The following CSMD3 variants were observed in gnomAD, a reference collection of about 807,000 sequenced individuals.
CSMD3 encodes the protein CUB and Sushi multiple domains 3.
Under a neutral mutation model 435.2 loss-of-function variants are expected in CSMD3, and 177 were observed. That is an observed-to-expected ratio of 0.41 (90% CI 0.36 to 0.46). The LOEUF is 0.46. CSMD3 is among the 20% of genes least tolerant of loss of function. CSMD3 has a pLI of 0.34. For missense variants in CSMD3, 4,265 were observed against 4,504.6 expected (o/e 0.95, Z 1.52); for synonymous variants, 1,656 against 1,520.5 (o/e 1.09, Z -2.07).
intron 13 of CSMD3, among the ~76,000 whole-genome samples, chr8:112,701,688 T>C (rs1317203512): frequency 6.6e-6 from 1 of 152,172 alleles, no homozygotes; most frequent in South Asian, 2.1e-4. Context: ...TTTAGATCTC[T>C]TCGACTTCCT....
chr8:112,989,096 A>G (rs1017253067), intron 6 of CSMD3, among the ~76,000 whole-genome samples: 9 of 152,082 alleles, frequency 5.9e-5, no homozygotes, highest in Non-Finnish European at 1.3e-4. Context: ...TGAACAGTAC[A>G]GACACTGTGT....
Position 113,153,099 on chromosome 8 carries a change from A to AG in CSMD3, c.709+20622dup, listed in dbSNP as rs755863260. ...GAAAAAGAAAGAAAGAAAGAAAGAAAGAAAAGAAAGAAAGAAAGAAAGAAA... is the reference window on the plus strand; with the variant it reads ...GAAAAAGAAAGAAAGAAAGAAAGAAAGGAAAAGAAAGAAAGAAAGAAAGAAA... On this transcript the variant is annotated intron_variant, in intron 4 of 70. Transcript: ENST00000297405. Among the ~76,000 whole-genome samples the AG allele has an allele frequency of 3.4e-3, 320 of 94,674 alleles. 5 individuals are homozygous for AG. The highest frequency in any genetic ancestry group is 0.014 in the African/African-American group (285 of 20,828). 62.1% of individuals were successfully genotyped at this position (94,674 alleles called of 152,430 possible).
intron 45 of CSMD3, among the ~76,000 whole-genome samples, chr8:112,320,435 A>G (rs1822884763): frequency 6.6e-6 from 1 of 152,008 alleles, no homozygotes; most frequent in South Asian, 2.1e-4. Flanking sequence ...ACTTAACTCA[A>G]TCCTCACAAA....
At chr8:112,363,898 C>T (rs1827500950) in intron 38 of CSMD3, among the ~76,000 whole-genome samples, 1 of 151,870 alleles carries the variant, frequency 6.6e-6, no homozygotes, top group Non-Finnish European at 1.5e-5. Context: ...GGTATTTCTA[C>T]AATTAATATT....
chr8:113,351,335 A>C (rs1359100337), intron 1 of CSMD3, among the ~76,000 whole-genome samples: 1 of 152,198 alleles, frequency 6.6e-6, no homozygotes, highest in East Asian at 1.9e-4. Flanking sequence ...CAAACAGTTA[A>C]ATGAATATAT....
chr8:113,039,072 T>C (rs1360345771), intron 5 of CSMD3, among the ~76,000 whole-genome samples: 2 of 152,148 alleles, frequency 1.3e-5, no homozygotes, highest in African/African-American at 2.4e-5. Flanking sequence ...TAGTGTTCTA[T>C]GAAATCCTTT....
intron 66 of CSMD3, among the ~76,000 whole-genome samples, chr8:112,237,550 T>C (rs1813703801): frequency 6.6e-6 from 1 of 152,150 alleles, no homozygotes; most frequent in Non-Finnish European, 1.5e-5. Flanking sequence ...GATTTGTTCA[T>C]ATGTTATCGA....
chr8:112,437,253 C>T (rs1563944778), intron 32 of CSMD3, among the ~76,000 whole-genome samples: 1 of 151,822 alleles, frequency 6.6e-6, no homozygotes, highest in Non-Finnish European at 1.5e-5. Flanking sequence ...TTATTTCCAA[C>T]ATGTTCCACA....
At chr8:112,496,128 C>A (rs1014608707) in intron 30 of CSMD3, among the ~76,000 whole-genome samples, 1 of 152,134 alleles carries the variant, frequency 6.6e-6, no homozygotes, top group Middle Eastern at 3.4e-3. Context: ...CGCCACCACG[C>A]CCGGCCAATT....
intron 7 of CSMD3, among the ~76,000 whole-genome samples, chr8:112,963,026 C>G (rs1051230007): frequency 2.0e-5 from 3 of 151,956 alleles, no homozygotes; most frequent in Admixed American, 2.0e-4. Flanking sequence ...GCAGTAGACT[C>G]TATCAACAGA....
chr8:112,957,241 A>G (rs1474470930), intron 7 of CSMD3, among the ~76,000 whole-genome samples: 4 of 152,194 alleles, frequency 2.6e-5, no homozygotes, highest in Non-Finnish European at 4.4e-5. Flanking sequence ...TCTAATGACC[A>G]TATTTAACTT....
At chr8:112,931,480 C>A in intron 9 of CSMD3, among the ~76,000 whole-genome samples, 1 of 149,648 alleles carries the variant, frequency 6.7e-6, no homozygotes. Flanking sequence ...AAATCCGAAA[C>A]TATAAAACTA....
At chr8:112,560,479 G>C (rs1465946225) in intron 24 of CSMD3, among the ~76,000 whole-genome samples, 2 of 151,606 alleles carry the variant, frequency 1.3e-5, no homozygotes, top group Admixed American at 1.3e-4. Context: ...ATTATTTCTA[G>C]GAGACAACTG....
intron 27 of CSMD3, among the ~76,000 whole-genome samples, chr8:112,537,361 C>G (rs528468131): frequency 1.3e-5 from 2 of 150,746 alleles, no homozygotes; most frequent in African/African-American, 4.9e-5. Flanking sequence ...AATCAAACCC[C>G]AAATTAGTAG....
intron 35 of CSMD3, among the ~76,000 whole-genome samples, chr8:112,404,798 T>A (rs963021254): frequency 4.6e-5 from 7 of 152,026 alleles, no homozygotes; most frequent in Non-Finnish European, 1.0e-4. Context: ...TACACACTCA[T>A]TCCTCCCTAT....
chr8:112,402,577 C>T (rs1046117261), intron 35 of CSMD3, among the ~76,000 whole-genome samples: 1 of 152,064 alleles, frequency 6.6e-6, no homozygotes, highest in Non-Finnish European at 1.5e-5. Flanking sequence ...AAGAGAACTA[C>T]TTATCTAAGT....
At chr8:112,339,826 G>C (rs1328556420) in intron 42 of CSMD3, among the ~76,000 whole-genome samples, 4 of 152,018 alleles carry the variant, frequency 2.6e-5, no homozygotes, top group Middle Eastern at 3.2e-3. Context: ...AATGCACTAG[G>C]TTAGTTACAT....
chr8:112,774,142 T>C (rs560860531), intron 13 of CSMD3, among the ~76,000 whole-genome samples: 6 of 152,150 alleles, frequency 3.9e-5, no homozygotes, highest in African/African-American at 9.6e-5. Flanking sequence ...CATTAACTTC[T>C]GGTACATGAC....
intron 13 of CSMD3, among the ~76,000 whole-genome samples, chr8:112,691,110 C>T (rs2076126934): frequency 6.6e-6 from 1 of 152,024 alleles, no homozygotes; most frequent in Non-Finnish European, 1.5e-5. Flanking sequence ...GTTTCATGTA[C>T]ATCATACTTT....
Sources: gnomAD v4.1 joint callset for allele counts (sites outside exome capture counted in the v4.1 genomes callset) on GRCh38, gnomAD v4.1.1 for gene constraint, MANE v1.5 for transcripts, NCBI Gene and HGNC (gene_info 2026-07-23, HGNC 2026-07-21) for gene names.